DPP10: variants seen among roughly 807,000 people sequenced by gnomAD.
DPP10 encodes the protein dipeptidyl peptidase like 10.
DPP10 carries 33 observed loss-of-function variants against 120.9 expected under a neutral mutation model. The observed-to-expected ratio is 0.27, with a 90% confidence interval of 0.21 to 0.37. The LOEUF (loss-of-function observed/expected upper bound fraction) is 0.37. Ranked by LOEUF, DPP10 falls within the 10% of genes least tolerant of loss-of-function variation. DPP10 has a pLI of 1.00. For missense variants in DPP10, 816 were observed against 942.8 expected (o/e 0.87, Z 1.76); for synonymous variants, 337 against 326.1 (o/e 1.03, Z -0.36).
intron 17 of DPP10, among the ~76,000 whole-genome samples, chr2:115,788,461 A>C (rs187004769): frequency 6.6e-6 from 1 of 152,308 alleles, no homozygotes; most frequent in Non-Finnish European, 1.5e-5. Context: ...TGAAACCAAA[A>C]GTTGCTTCCC....
chr2:115,418,927 A>G (rs2069683049), intron 3 of DPP10, among the ~76,000 whole-genome samples: 1 of 152,222 alleles, frequency 6.6e-6, no homozygotes, highest in Non-Finnish European at 1.5e-5. Flanking sequence ...GTCTGGGGGC[A>G]ATATTCACTC....
chr2:114,620,640 G>GT (rs1694023110), intron 1 of DPP10, among the ~76,000 whole-genome samples: 1 of 151,900 alleles, frequency 6.6e-6, no homozygotes, highest in Non-Finnish European at 1.5e-5. Flanking sequence ...TATCTATTTG[G>GT]TTTTACGTAT....
chr2:115,136,978 CTT>C (rs770134384), intron 1 of DPP10, among the ~76,000 whole-genome samples: 9 of 152,158 alleles, frequency 5.9e-5, no homozygotes, highest in Non-Finnish European at 1.2e-4. Flanking sequence ...AGCTCAGTCT[CTT>C]TTGTACTAGG....
Position 115,712,539 on chromosome 2 carries a change from A to ATT in DPP10, c.577-15276_577-15275dup, listed in dbSNP as rs1398073048. On this transcript the variant is annotated intron_variant, in intron 7 of 25. Transcript: ENST00000410059. ...TAGAAATAGCTTTGAAGAGTCCTGA[A>ATT]TTAAATATATATATATATATATATA... Among the ~76,000 whole-genome samples, 202 of 9,822 alleles carry ATT rather than the reference A, an allele frequency of 0.021. 12 individuals carry two copies. In the East Asian group the frequency reaches 0.25, roughly 12 times the overall value. The allele number at this position is 9,822 out of a possible 152,430, so 6.4% of individuals were successfully genotyped here. A position where few individuals can be genotyped will look rare whatever the true frequency, so the allele number is the denominator to read the frequency against.
chr2:114,497,332 CATGT>C (rs2104483308), intron 1 of DPP10, among the ~76,000 whole-genome samples: 1 of 21,894 alleles, frequency 4.6e-5, no homozygotes, highest in South Asian at 9.3e-4. Flanking sequence ...TACGTGTATA[CATGT>C]ACATATACAT....
At chr2:114,906,329 A>G (rs1403379253) in intron 1 of DPP10, among the ~76,000 whole-genome samples, 1 of 151,902 alleles carries the variant, frequency 6.6e-6, no homozygotes, top group African/African-American at 2.4e-5. Context: ...GGTTGCAGTT[A>G]GCGGAGATCG....
At chr2:115,110,779 TC>T (rs1219277502) in intron 1 of DPP10, among the ~76,000 whole-genome samples, 1 of 152,110 alleles carries the variant, frequency 6.6e-6, no homozygotes, top group Non-Finnish European at 1.5e-5. Context: ...TTGATTTTTT[TC>T]CCCTGATTTA....
intron 17 of DPP10, among the ~76,000 whole-genome samples, chr2:115,784,331 G>A (rs116047609): frequency 0.03 from 4,546 of 152,016 alleles, 139 homozygotes; most frequent in South Asian, 0.1. Flanking sequence ...TGCATGGAGA[G>A]AAAATTTTAA....
intron 1 of DPP10, among the ~76,000 whole-genome samples, chr2:114,484,075 A>G (rs1681292718): frequency 6.6e-6 from 1 of 152,100 alleles, no homozygotes; most frequent in African/African-American, 2.4e-5. Context: ...CACTGAGGGT[A>G]ATAGTGTTTG....
chr2:115,301,057 T>G (rs561271529), intron 1 of DPP10, among the ~76,000 whole-genome samples: 2 of 152,116 alleles, frequency 1.3e-5, no homozygotes, highest in African/African-American at 4.8e-5. Flanking sequence ...CCTGGGCCTG[T>G]GTGTGTGGTG....
intron 1 of DPP10, among the ~76,000 whole-genome samples, chr2:114,694,793 G>T (rs1473529704): frequency 6.6e-6 from 1 of 151,970 alleles, no homozygotes; most frequent in African/African-American, 2.4e-5. Flanking sequence ...CAAAATGAAA[G>T]ATGTGATTTC....
At chr2:115,742,453 A>G (rs1426690320) in intron 9 of DPP10, among the ~76,000 whole-genome samples, 2 of 152,274 alleles carry the variant, frequency 1.3e-5, no homozygotes, top group East Asian at 3.9e-4. Flanking sequence ...AACTACCATT[A>G]ATATTTATTA....
chr2:115,660,330 A>G (rs1268360368), intron 5 of DPP10, among the ~76,000 whole-genome samples: 4 of 152,100 alleles, frequency 2.6e-5, no homozygotes, highest in Non-Finnish European at 2.9e-5. Flanking sequence ...TTCATTTTTC[A>G]CATTGCTATG....
At chr2:114,452,913 A>G (rs1036204284) in intron 1 of DPP10, among the ~76,000 whole-genome samples, 3 of 152,174 alleles carry the variant, frequency 2.0e-5, no homozygotes, top group East Asian at 3.9e-4. Context: ...GACAATGTCC[A>G]GTAGACAGAG....
rs561553799 is a variant in DPP10, at chr2:115,832,282, A to G, written c.1951-3875A>G. Among the ~76,000 whole-genome samples the G allele has an allele frequency of 2.6e-5, 4 of 152,326 alleles. No homozygotes were observed. The South Asian group carries it at 8.3e-4, about 32-fold the overall frequency. On this transcript the variant is annotated intron_variant, in intron 21 of 25. Coordinates refer to ENST00000410059, the MANE Select transcript of DPP10 (RefSeq NM_020868.6). ...GGCGAGTGGATCACTTGAGCCTAGG[A>G]GTTCAAGACCAGCCTGGGCAGCCAT...
chr2:114,444,907 TG>T (rs1301577645), intron 1 of DPP10, among the ~76,000 whole-genome samples: 1 of 152,164 alleles, frequency 6.6e-6, no homozygotes, highest in African/African-American at 2.4e-5. Context: ...TTGAGTATTT[TG>T]CAATTTGCAA....
chr2:115,300,178 C>T (rs1463292142), intron 1 of DPP10, among the ~76,000 whole-genome samples: 2 of 151,998 alleles, frequency 1.3e-5, no homozygotes, highest in African/African-American at 4.8e-5. Flanking sequence ...GAACTTTTTT[C>T]ATCTTATCAA....
intron 1 of DPP10, among the ~76,000 whole-genome samples, chr2:114,942,686 C>T (rs1697051308): frequency 6.6e-6 from 1 of 151,910 alleles, no homozygotes; most frequent in Non-Finnish European, 1.5e-5. Flanking sequence ...TCAACTTCAA[C>T]ATCCATTGCT....
intron 1 of DPP10, among the ~76,000 whole-genome samples, chr2:115,279,614 T>G (rs555113686): frequency 4.0e-5 from 6 of 151,372 alleles, no homozygotes; most frequent in Non-Finnish European, 7.4e-5. Flanking sequence ...TTCTTTTTTT[T>G]CTTTTATCTT....
Sources: allele counts gnomAD v4.1 joint callset (sites outside exome capture counted in the v4.1 genomes callset), GRCh38; gene constraint gnomAD v4.1.1; transcripts MANE v1.5; gene names NCBI Gene and HGNC (gene_info 2026-07-23, HGNC 2026-07-21).